The following HTR1F variants were observed in gnomAD, a reference collection of about 807,000 sequenced individuals.
HTR1F encodes the protein 5-hydroxytryptamine (serotonin) receptor 1F, G protein-coupled.
HTR1F carries 17 observed loss-of-function variants against 24.0 expected under a neutral mutation model. The observed-to-expected ratio is 0.71, with a 90% CI of 0.48 to 1.06. The LOEUF is 1.06. Ranked by LOEUF, HTR1F falls within the 50% of genes least tolerant of loss-of-function variation. The probability of loss-of-function intolerance (pLI) is 0.00; values close to 1 mark genes in which losing one functional copy is unlikely to be tolerated. For missense variants in HTR1F, 391 were observed against 427.8 expected, an observed-to-expected ratio of 0.91 and a Z score of 0.76; for synonymous variants, 186 against 156.8, an observed-to-expected ratio of 1.19 and a Z score of -1.39.
At chr3:87,931,608 C>T (rs1314216846) in intron 2 of HTR1F, among the ~76,000 whole-genome samples, 1 of 152,012 alleles carries the variant, frequency 6.6e-6, no homozygotes, top group Non-Finnish European at 1.5e-5. Flanking sequence ...GTTCTAGATC[C>T]CTGAGGAATC....
intron 2 of HTR1F, among the ~76,000 whole-genome samples, chr3:87,856,192 T>C (rs1044272557): frequency 1.3e-5 from 2 of 152,024 alleles, no homozygotes; most frequent in Admixed American, 1.3e-4. Context: ...ATTTATAAAT[T>C]CAAGTTTATT....
intron 2 of HTR1F, among the ~76,000 whole-genome samples, chr3:87,899,135 T>A (rs1357119024): frequency 6.6e-6 from 1 of 152,188 alleles, no homozygotes; most frequent in Admixed American, 6.5e-5. Flanking sequence ...AAAATTAATT[T>A]AAATAACTTA....
At chr3:87,900,541 C>T (rs1486299293) in intron 2 of HTR1F, among the ~76,000 whole-genome samples, 3 of 151,988 alleles carry the variant, frequency 2.0e-5, no homozygotes, top group Non-Finnish European at 4.4e-5. Flanking sequence ...TGCTCCATCA[C>T]GAAGGTGGTA....
chr3:87,883,687 C>T (rs1371316826), intron 2 of HTR1F, among the ~76,000 whole-genome samples: 1 of 152,064 alleles, frequency 6.6e-6, no homozygotes. Context: ...ACGAGAACTA[C>T]GTGATGCATG....
At chr3:87,966,683 C>T (rs1331401232) in intron 2 of HTR1F, among the ~76,000 whole-genome samples, 4 of 152,026 alleles carry the variant, frequency 2.6e-5, no homozygotes, top group Non-Finnish European at 5.9e-5. Flanking sequence ...TGATTAATTA[C>T]ATTATTTTAC....
intron 2 of HTR1F, among the ~76,000 whole-genome samples, chr3:87,951,903 T>C (rs1704842738): frequency 6.6e-6 from 1 of 152,052 alleles, no homozygotes; most frequent in Non-Finnish European, 1.5e-5. Flanking sequence ...CAGAATGTCA[T>C]GTAGTTGGAA....
intron 2 of HTR1F, among the ~76,000 whole-genome samples, chr3:87,853,008 T>C (rs1201254788): frequency 6.6e-6 from 1 of 151,554 alleles, no homozygotes; most frequent in Non-Finnish European, 1.5e-5. Flanking sequence ...TTTATTTCAT[T>C]AGGCTTTTTA....
intron 2 of HTR1F, among the ~76,000 whole-genome samples, chr3:87,984,733 C>T (rs1219626472): frequency 2.0e-5 from 3 of 152,152 alleles, no homozygotes; most frequent in Admixed American, 6.5e-5. Context: ...GCTGGGATTA[C>T]AGGCGTGCAC....
chr3:87,889,673 A>AT (rs751000963), intron 2 of HTR1F, among the ~76,000 whole-genome samples: 162 of 151,410 alleles, frequency 1.1e-3, no homozygotes, highest in Non-Finnish European at 3.8e-4. Context: ...ATAAAATTTG[A>AT]TTTTTTTTTG....
chr3:87,902,593 T>C (rs764104486), intron 2 of HTR1F, among the ~76,000 whole-genome samples: 12 of 151,970 alleles, frequency 7.9e-5, no homozygotes, highest in South Asian at 4.2e-4. Context: ...GTTTGTTTCT[T>C]TTTTTTATTT....
intron 2 of HTR1F, among the ~76,000 whole-genome samples, chr3:87,872,377 T>TA (rs1201025867): frequency 1.6e-4 from 25 of 151,902 alleles, no homozygotes; most frequent in Admixed American, 1.4e-3. Flanking sequence ...AAGAAGAAAA[T>TA]AAGAACAAAC....
intron 2 of HTR1F, among the ~76,000 whole-genome samples, chr3:87,864,773 G>A (rs1197351195): frequency 6.6e-6 from 1 of 151,890 alleles, no homozygotes; most frequent in Non-Finnish European, 1.5e-5. Context: ...GTGAGCACCT[G>A]TAATCCCCGC....
chr3:87,911,381 T>C (rs893611225), intron 2 of HTR1F, among the ~76,000 whole-genome samples: 9 of 152,110 alleles, frequency 5.9e-5, no homozygotes, highest in Middle Eastern at 6.8e-3. Context: ...ATGGATAAAT[T>C]TGTGGACACA....
intron 2 of HTR1F, among the ~76,000 whole-genome samples, chr3:87,945,665 G>A (rs551302873): frequency 6.6e-6 from 1 of 152,268 alleles, no homozygotes; most frequent in African/African-American, 2.4e-5. Flanking sequence ...CAGAAGGGCT[G>A]GGGGTTGTTG....
intron 1 of HTR1F, among the ~76,000 whole-genome samples, chr3:87,803,123 C>T (rs1333875307): frequency 6.6e-6 from 1 of 152,178 alleles, no homozygotes; most frequent in Non-Finnish European, 1.5e-5. Flanking sequence ...GCTCCAAAAA[C>T]CATTTTCTCT....
intron 2 of HTR1F, among the ~76,000 whole-genome samples, chr3:87,850,867 A>G (rs1182809481): frequency 2.0e-5 from 3 of 150,692 alleles, no homozygotes; most frequent in South Asian, 2.1e-4. Context: ...AGCAACAGGT[A>G]TTGCTCTCTT....
chr3:87,869,066 C>T (rs1156558005), intron 2 of HTR1F, among the ~76,000 whole-genome samples: 1 of 151,764 alleles, frequency 6.6e-6, no homozygotes, highest in African/African-American at 2.4e-5. Flanking sequence ...AATAAGATAA[C>T]AAGGAAGAAA....
At chr3:87,822,987 G>A (rs1377497388) in intron 2 of HTR1F, among the ~76,000 whole-genome samples, 2 of 152,094 alleles carry the variant, frequency 1.3e-5, no homozygotes, top group Non-Finnish European at 2.9e-5. Context: ...AGTTGTCTGA[G>A]TTAGTCAAAG....
At chr3:87,814,278 G>A (rs1332730664) in intron 1 of HTR1F, among the ~76,000 whole-genome samples, 3 of 152,018 alleles carry the variant, frequency 2.0e-5, no homozygotes, top group African/African-American at 7.2e-5. Context: ...ATTTTTAATG[G>A]ACAAAAATTG....
Sources: gnomAD v4.1 joint callset for allele counts (sites outside exome capture counted in the v4.1 genomes callset) on GRCh38, gnomAD v4.1.1 for gene constraint, MANE v1.5 for transcripts, NCBI Gene and HGNC (gene_info 2026-07-23, HGNC 2026-07-21) for gene names.